The following RNF144A variants were observed in gnomAD, a reference collection of about 807,000 sequenced individuals.
RNF144A encodes the protein ring finger protein 144A, also known as E3 ubiquitin-protein ligase RNF144A.
RNF144A carries 11 observed loss-of-function variants against 38.7 expected under a neutral mutation model. That is an observed-to-expected ratio of 0.28 (90% CI 0.18 to 0.47). The LOEUF is 0.47. RNF144A is among the 20% of genes least tolerant of loss of function. The pLI, the probability that RNF144A is intolerant of heterozygous loss-of-function variation, is 0.99. For synonymous variants in RNF144A, 149 were observed against 143.9 expected, an observed-to-expected ratio of 1.04 and a Z score of -0.25; for missense variants, 316 against 377.2, an observed-to-expected ratio of 0.84 and a Z score of 1.34.
chr2:6,935,190 A>G (rs151154043), intron 1 of RNF144A, among the ~76,000 whole-genome samples: 9 of 152,136 alleles, frequency 5.9e-5, no homozygotes, highest in African/African-American at 2.2e-4. Context: ...CACCATCTTC[A>G]TCTTCCTTCC....
intron 2 of RNF144A, among the ~76,000 whole-genome samples, chr2:6,955,462 C>G (rs1217661742): frequency 6.6e-6 from 1 of 152,142 alleles, no homozygotes; most frequent in East Asian, 1.9e-4. Flanking sequence ...CCAGGGCTGG[C>G]CAGTGCCTAG....
intron 1 of RNF144A, among the ~76,000 whole-genome samples, chr2:6,925,425 A>G (rs1318230699): frequency 6.6e-6 from 1 of 152,186 alleles, no homozygotes; most frequent in Non-Finnish European, 1.5e-5. Flanking sequence ...AGACACTAAG[A>G]AACCATCTGT....
At chr2:7,055,324 C>T (rs1673697983) in intron 6 of RNF144A, among the ~76,000 whole-genome samples, 1 of 152,188 alleles carries the variant, frequency 6.6e-6, no homozygotes, top group African/African-American at 2.4e-5. Flanking sequence ...GGTTCATGCT[C>T]AGTATTGCAT....
intron 8 of RNF144A, among the ~76,000 whole-genome samples, chr2:7,036,407 G>T (rs372556053): frequency 6.6e-6 from 1 of 152,314 alleles, no homozygotes; most frequent in South Asian, 2.1e-4. Context: ...ACATGCATCC[G>T]TGGAGGGGTG....
rs148950078 is a variant in RNF144A at position 7,005,602 on chromosome 2, C to T, written c.135+8541C>T. The stretch of plus-strand genomic sequence containing the variant: ...AAGAGCTGCCTCTGCAAGTCTGTTC[C>T]GTGTTCCCAGAACACAGAACAGCTT... On this transcript the variant is annotated intron_variant, in intron 3 of 8. Transcript: ENST00000320892. Among the ~76,000 whole-genome samples the T allele has an allele frequency of 2.4e-3, 359 of 152,288 alleles. 3 individuals carry two copies. The highest frequency in any genetic ancestry group is 8.1e-3 in the African/African-American group (336 of 41,556).
chr2:6,937,414 C>T (rs1437025772), intron 1 of RNF144A, among the ~76,000 whole-genome samples: 1 of 152,202 alleles, frequency 6.6e-6, no homozygotes, highest in Non-Finnish European at 1.5e-5. Context: ...GCAGGAAGCT[C>T]TGTGGCCAGG....
intron 1 of RNF144A, among the ~76,000 whole-genome samples, chr2:6,936,308 C>G (rs1027270044): frequency 1.3e-5 from 2 of 152,200 alleles, no homozygotes; most frequent in African/African-American, 2.4e-5. Flanking sequence ...TATATACACA[C>G]ACCCACACAC....
chr2:6,958,043 G>T lies in RNF144A; in HGVS notation c.-12+16896G>T, dbSNP rs1667118724. Among the ~76,000 whole-genome samples, 2 of 152,230 alleles carry T rather than the reference G, an allele frequency of 1.3e-5. No individual in the cohort carries two copies. Among genetic ancestry groups the T allele is most frequent in the Non-Finnish European group, 2.9e-5 (2 of 68,040 alleles). On this transcript the variant is annotated intron_variant, in intron 2 of 8. Transcript: ENST00000320892. This position sits in a 1 kb window ranked among gnomAD's most constrained non-coding sequence, Gnocchi z 4.5. ...TGGGGGAGTCGGGATGGAGCTCCAG[G>T]GAAGCAGATGGATCGCCGGAGGGCT...
At chr2:6,934,425 C>A (rs779500259) in intron 1 of RNF144A, among the ~76,000 whole-genome samples, 1 of 151,948 alleles carries the variant, frequency 6.6e-6, no homozygotes, top group Non-Finnish European at 1.5e-5. Flanking sequence ...ATAATTATTC[C>A]CAGTTTCGTT....
intron 2 of RNF144A, among the ~76,000 whole-genome samples, chr2:6,950,978 G>A (rs559012455): frequency 2.9e-4 from 44 of 152,212 alleles, no homozygotes; most frequent in African/African-American, 1.0e-3. Context: ...CTTTCTGTAA[G>A]TTATCTTTTT....
intron 2 of RNF144A, among the ~76,000 whole-genome samples, chr2:6,948,329 C>A (rs761327914): frequency 6.6e-5 from 10 of 152,194 alleles, no homozygotes; most frequent in Admixed American, 2.0e-4. Context: ...CCTGGAGCCA[C>A]GCAAGTTTGG....
At chr2:6,972,016 T>C (rs1420984522) in intron 2 of RNF144A, among the ~76,000 whole-genome samples, 1 of 152,134 alleles carries the variant, frequency 6.6e-6, no homozygotes, top group African/African-American at 2.4e-5. Flanking sequence ...CCATTTCTTC[T>C]CACATAGGCC....
chr2:7,028,219 C>A (rs1405069654), intron 7 of RNF144A, among the ~76,000 whole-genome samples: 1 of 152,168 alleles, frequency 6.6e-6, no homozygotes, highest in East Asian at 1.9e-4. Context: ...TGTGCTGAGC[C>A]AGGTTACTAC....
At chr2:7,035,196 A>G (rs929050603) in intron 8 of RNF144A, among the ~76,000 whole-genome samples, 10 of 151,874 alleles carry the variant, frequency 6.6e-5, no homozygotes, top group Admixed American at 2.6e-4. Flanking sequence ...CTGTCAAGCT[A>G]TATCCCTCCC....
At chr2:6,939,685 A>T (rs1354117954) in intron 1 of RNF144A, among the ~76,000 whole-genome samples, 1 of 152,184 alleles carries the variant, frequency 6.6e-6, no homozygotes, top group African/African-American at 2.4e-5. Context: ...TTTTATTTGT[A>T]AGAGTTTTAT....
chr2:6,921,006 A>G (rs1053994013), intron 1 of RNF144A, among the ~76,000 whole-genome samples: 2 of 152,248 alleles, frequency 1.3e-5, no homozygotes, highest in African/African-American at 2.4e-5. Flanking sequence ...CTGTTGGATC[A>G]TATTTTTTTT....
chr2:6,921,595 G>A (rs183438787), intron 1 of RNF144A, among the ~76,000 whole-genome samples: 1 of 152,320 alleles, frequency 6.6e-6, no homozygotes, highest in Non-Finnish European at 1.5e-5. Context: ...GAACCCAGAG[G>A]CCTGCAGATA....
At chr2:7,039,565 A>T in intron 8 of RNF144A, 64 bp from the exon 9 acceptor site, 3 of 1,588,438 alleles carry the variant, frequency 1.9e-6, no homozygotes, top group Non-Finnish European at 2.6e-6. Context: ...TGTGGTTTAC[A>T]CTTTAGCTCT....
chr2:6,934,112 G>A (rs997867006), intron 1 of RNF144A, among the ~76,000 whole-genome samples: 4 of 152,092 alleles, frequency 2.6e-5, no homozygotes, highest in African/African-American at 7.2e-5. Context: ...GACATCTACC[G>A]TTGTTCTGCT....
Sources: gnomAD v4.1 joint callset for allele counts (sites outside exome capture counted in the v4.1 genomes callset) on GRCh38, gnomAD v4.1.1 for gene constraint, Gnocchi (gnomAD v3.1) non-coding constraint, MANE v1.5 for transcripts, NCBI Gene and HGNC (gene_info 2026-07-23, HGNC 2026-07-21) for gene names.